Variants in INPP5D observed in about 807,000 individuals in gnomAD.
INPP5D encodes phosphatidylinositol 3,4,5-trisphosphate 5-phosphatase 1.
INPP5D carries 33 observed loss-of-function variants against 122.9 expected under a neutral mutation model. That is an observed-to-expected ratio of 0.27 (90% CI 0.20 to 0.36). INPP5D has a LOEUF of 0.36. Among genes scored for constraint, INPP5D ranks in the 10% least tolerant of loss-of-function variants. The pLI, the probability that INPP5D is intolerant of heterozygous loss-of-function variation, is 1.00. For synonymous variants in INPP5D, 584 were observed against 576.2 expected (o/e 1.01, Z -0.19); for missense variants, 1,053 against 1,412.7 (o/e 0.75, Z 4.08).
chr2:233,166,318 C>G (rs896615004), intron 13 of INPP5D, among the ~76,000 whole-genome samples: 1 of 152,248 alleles, frequency 6.6e-6, no homozygotes, highest in African/African-American at 2.4e-5. Flanking sequence ...GGCCTCAGGG[C>G]TGGGCACTGG....
chr2:233,200,672 G>A (rs538126429), intron 25 of INPP5D, among the ~76,000 whole-genome samples: 18 of 152,192 alleles, frequency 1.2e-4, no homozygotes, highest in African/African-American at 2.2e-4. Flanking sequence ...TCTAAGAAAC[G>A]GATAGGCCAG....
intron 21 of INPP5D, among the ~76,000 whole-genome samples, chr2:233,187,585 T>A (rs1694954671): frequency 6.6e-6 from 1 of 152,244 alleles, no homozygotes; most frequent in South Asian, 2.1e-4. Flanking sequence ...AAAAAGGCCA[T>A]GTCATCTCCG....
At chr2:233,079,493 G>A in intron 2 of INPP5D, 95 bp downstream of exon 2, 1 of 823,576 alleles carries the variant, frequency 1.2e-6, no homozygotes, top group Non-Finnish European at 2.1e-6. Flanking sequence ...GCACGCGCAG[G>A]TAGCCGGACG....
chr2:233,142,803 C>G (rs1693658868), intron 6 of INPP5D, among the ~76,000 whole-genome samples: 2 of 152,140 alleles, frequency 1.3e-5, no homozygotes, highest in Admixed American at 1.3e-4. Flanking sequence ...CCAGTCTACC[C>G]TTTAACAGGC....
rs2106232960 is a variant in INPP5D at position 233,100,556 on chromosome 2, C to T, written c.198+21158C>T. ...TGCCCTCAGGTGTCCTGGCTCTCTC[C>T]TCTCAGCATCCCCCATGGACTCATG... On this transcript the variant is annotated intron_variant, in intron 2 of 26. Coordinates refer to ENST00000445964, the MANE Select transcript of INPP5D (RefSeq NM_001017915.3). This position sits in a 1 kb window ranked among gnomAD's most constrained non-coding sequence, Gnocchi z 5.3. 6.6e-6 allele frequency among the ~76,000 whole-genome samples: 1 copy of T among 152,320 alleles called. No individual in the cohort carries two copies. Among genetic ancestry groups the T allele is most frequent in the Admixed American group, 6.5e-5 (1 of 15,304 alleles).
At chr2:233,096,024 A>C (rs1369335927) in intron 2 of INPP5D, among the ~76,000 whole-genome samples, 1 of 152,196 alleles carries the variant, frequency 6.6e-6, no homozygotes, top group Non-Finnish European at 1.5e-5. Flanking sequence ...TTAACAGTTG[A>C]ACGATAATGG....
intron 2 of INPP5D, among the ~76,000 whole-genome samples, chr2:233,116,756 C>G (rs1692810771): frequency 6.6e-6 from 1 of 151,866 alleles, no homozygotes; most frequent in Non-Finnish European, 1.5e-5. Flanking sequence ...GCCACTGCAC[C>G]TGGCTAATTT....
chr2:233,171,927 C>T (rs562170560), intron 17 of INPP5D, among the ~76,000 whole-genome samples: 5 of 152,258 alleles, frequency 3.3e-5, no homozygotes, highest in East Asian at 1.9e-4. Flanking sequence ...GGCAATGGAG[C>T]GCAAGTTCAA....
chr2:233,182,943 T>A (rs995316024), intron 19 of INPP5D, among the ~76,000 whole-genome samples: 9 of 152,168 alleles, frequency 5.9e-5, no homozygotes, highest in South Asian at 4.1e-4. Flanking sequence ...CAGCTACACT[T>A]AATTTTAAAA....
chr2:233,202,648 C>T (rs1262065098), intron 25 of INPP5D, among the ~76,000 whole-genome samples: 5 of 152,316 alleles, frequency 3.3e-5, no homozygotes, highest in East Asian at 1.9e-4. Flanking sequence ...GGGTTCCCAG[C>T]GATCCACAAT....
intron 2 of INPP5D, among the ~76,000 whole-genome samples, chr2:233,083,735 C>T (rs778536455): frequency 6.6e-6 from 1 of 152,192 alleles, no homozygotes; most frequent in African/African-American, 2.4e-5. Flanking sequence ...GTCCTGCAAG[C>T]CGCCCTCATG....
At chr2:233,080,954 G>T (rs1691671375) in intron 2 of INPP5D, among the ~76,000 whole-genome samples, 2 of 152,166 alleles carry the variant, frequency 1.3e-5, no homozygotes, top group African/African-American at 4.8e-5. Flanking sequence ...GCGAGTTTAG[G>T]CTCAAGCAGA....
Position 233,188,496 on chromosome 2 carries a change from A to G in INPP5D, c.2359-1354A>G, listed in dbSNP as rs752007496. Among the ~76,000 whole-genome samples, 2 of 152,122 alleles carry G rather than the reference A, an allele frequency of 1.3e-5. No homozygotes were observed. Among genetic ancestry groups the G allele is most frequent in the Non-Finnish European group, 2.9e-5 (2 of 68,006 alleles). On this transcript the variant is annotated intron_variant, in intron 21 of 26. Transcript: ENST00000445964. This position sits in a 1 kb window ranked among gnomAD's most constrained non-coding sequence, Gnocchi z 4.7. ...TGACATCACCTCATGCCAGGAGCCA[A>G]GTGATAATTGGTGCAGCTGTAGAAC...
intron 2 of INPP5D, among the ~76,000 whole-genome samples, chr2:233,091,149 G>T (rs528460135): frequency 6.6e-6 from 1 of 152,158 alleles, no homozygotes; most frequent in Admixed American, 6.5e-5. Context: ...TTGGGACTCC[G>T]TCCCTCAGGT....
At chr2:233,196,644 T>G (rs1695192569) in intron 24 of INPP5D, among the ~76,000 whole-genome samples, 1 of 152,118 alleles carries the variant, frequency 6.6e-6, no homozygotes, top group Non-Finnish European at 1.5e-5. Flanking sequence ...GATGTTAAAG[T>G]CTGTATTACC....
rs187662629 is a variant in INPP5D at position 233,100,013 on chromosome 2, C to T, written c.198+20615C>T. Among the ~76,000 whole-genome samples, 977 of 152,304 alleles carry T rather than the reference C, an allele frequency of 6.4e-3. 5 individuals carry two copies. Among genetic ancestry groups the T allele is most frequent in the Middle Eastern group, 0.01 (3 of 294 alleles). ...CATCAGATCTCATGAGACCCATTCA[C>T]TATCACGAGAACAGAGCCGCCATAA... On this transcript the variant is annotated intron_variant, in intron 2 of 26. Transcript: ENST00000445964. This position sits in a 1 kb window ranked among gnomAD's most constrained non-coding sequence, Gnocchi z 5.3.
chr2:233,120,956 T>C (rs1692952031), intron 2 of INPP5D, among the ~76,000 whole-genome samples: 1 of 152,102 alleles, frequency 6.6e-6, no homozygotes. Context: ...TGGAATTGAT[T>C]TTTTCCTGTG....
At chr2:233,079,760 G>A (rs375089226) in intron 2 of INPP5D, among the ~76,000 whole-genome samples, 6 of 152,324 alleles carry the variant, frequency 3.9e-5, no homozygotes, top group African/African-American at 1.2e-4. Flanking sequence ...AGGAGGGAGA[G>A]AAGGGAGGTG....
intron 2 of INPP5D, among the ~76,000 whole-genome samples, chr2:233,084,033 C>A (rs1691761927): frequency 6.6e-6 from 1 of 152,104 alleles, no homozygotes; most frequent in Admixed American, 6.6e-5. Flanking sequence ...AAGATGGGAG[C>A]ACCCCCAGGT....
Sources: allele counts gnomAD v4.1 joint callset (sites outside exome capture counted in the v4.1 genomes callset), GRCh38; gene constraint gnomAD v4.1.1; non-coding constraint Gnocchi (gnomAD v3.1); transcripts MANE v1.5; gene names NCBI Gene and HGNC (gene_info 2026-07-23, HGNC 2026-07-21).